The following ZFAT variants were observed in gnomAD, a reference collection of about 807,000 sequenced individuals.
ZFAT encodes zinc finger protein ZFAT.
In ZFAT, 64 loss-of-function variants were observed where a neutral mutation model predicts 117.7. The ratio of observed to expected loss-of-function variants is 0.54; its 90% CI spans 0.44 to 0.67. The LOEUF (loss-of-function observed/expected upper bound fraction) is 0.67, where lower values mean the gene tolerates loss of function less well. Among genes scored for constraint, ZFAT ranks in the 30% least tolerant of loss-of-function variants. The probability of loss-of-function intolerance (pLI) is 0.00; values close to 1 mark genes in which losing one functional copy is unlikely to be tolerated. For synonymous variants in ZFAT, 679 were observed against 615.0 expected (o/e 1.10, Z -1.54); for missense variants, 1,433 against 1,584.5 (o/e 0.90, Z 1.62).
At chr8:134,671,125 A>G (rs1246567633) in intron 1 of ZFAT, among the ~76,000 whole-genome samples, 1 of 152,168 alleles carries the variant, frequency 6.6e-6, no homozygotes, top group Non-Finnish European at 1.5e-5. Flanking sequence ...CATACCAACC[A>G]AAAAAAGTCC....
upstream of ZFAT, among the ~76,000 whole-genome samples, chr8:134,717,308 G>A (rs990952274): frequency 6.6e-6 from 1 of 151,186 alleles, no homozygotes; most frequent in African/African-American, 2.4e-5. Flanking sequence ...AATGCCTGCT[G>A]CCACCAAGAA....
chr8:134,594,664 C>T (rs11783499), intron 7 of ZFAT: 32,427 of 152,128 alleles, frequency 0.21, 4,107 homozygotes, highest in East Asian at 0.53. Context: ...AGGCCCCTCC[C>T]TATATGCCGT....
intron 2 of ZFAT, among the ~76,000 whole-genome samples, chr8:134,649,110 T>C (rs1391981240): frequency 6.8e-6 from 1 of 146,128 alleles, no homozygotes; most frequent in Non-Finnish European, 1.5e-5. Context: ...TAAACAACAC[T>C]CAACAAACCA....
In ZFAT at chr8:134,602,200, T is replaced by C; in HGVS notation, c.1519A>G (p.Ile507Val). The C allele has an allele frequency of 1.2e-6, 2 of 1,613,570 alleles. No homozygotes were observed. The highest frequency in any genetic ancestry group is 1.7e-6 in the Non-Finnish European group (2 of 1,180,014). The change falls in exon 6 of 16, where the codon ATC (isoleucine) becomes GTC (valine). Residue 507 changes from isoleucine to valine, a missense_variant. Physicochemically the swap from Ile to Val is conservative, Grantham distance 29. Transcript: ENST00000377838. ...TGGTCCCCCAGAGCTTCTTGCTGGATGTCCCCACCAGGTTCCAGGAGGCAG... is the reference window on the plus strand; with the variant it reads ...TGGTCCCCCAGAGCTTCTTGCTGGACGTCCCCACCAGGTTCCAGGAGGCAG... ...SFCLLEPGGD[I>V]QQEALGDQLQ...
At chr8:134,635,668 G>GGA (rs901355729) in intron 3 of ZFAT, among the ~76,000 whole-genome samples, 1 of 134,828 alleles carries the variant, frequency 7.4e-6, no homozygotes, top group Non-Finnish European at 1.6e-5. Context: ...AGAGAGACAG[G>GGA]GAGAGAGAGA....
At chr8:134,814,269 A>C in the ZFAT span, among the ~76,000 whole-genome samples, 2 of 152,234 alleles carry the variant, frequency 1.3e-5, no homozygotes, top group South Asian at 4.1e-4. Context: ...AAAATACAGT[A>C]AAAGGAGCCA....
At chr8:134,707,574 G>C (rs1194705578) in intron 1 of ZFAT, among the ~76,000 whole-genome samples, 1 of 152,124 alleles carries the variant, frequency 6.6e-6, no homozygotes, top group Non-Finnish European at 1.5e-5. Context: ...GAAGTCTTGG[G>C]GCTGAATTAA....
intron 12 of ZFAT, among the ~76,000 whole-genome samples, chr8:134,532,401 C>T (rs1053970029): frequency 6.6e-6 from 1 of 152,278 alleles, no homozygotes; most frequent in Non-Finnish European, 1.5e-5. Context: ...TTCCATTTAA[C>T]ATTGAATTAC....
the ZFAT span, among the ~76,000 whole-genome samples, chr8:134,808,470 C>CG: frequency 1.3e-5 from 2 of 152,228 alleles, no homozygotes; most frequent in African/African-American, 4.8e-5. Context: ...AAATCCTGAT[C>CG]AGGCAGGCCC....
chr8:134,712,923 C>A lies in ZFAT; in HGVS notation c.-60G>T. Reference sequence around the variant, plus strand: ...GGGCTCTTCCGGGCCCCCTCCCGTGCCGACCGAGGGGGCGGGGCGCCCTGC... The same window carrying A: ...GGGCTCTTCCGGGCCCCCTCCCGTGACGACCGAGGGGGCGGGGCGCCCTGC... On this transcript the variant is annotated 5_prime_UTR_variant, in exon 1 of 16. Coordinates refer to ENST00000377838, the MANE Select transcript of ZFAT (RefSeq NM_020863.4). The A allele has an allele frequency of 6.9e-7, 1 of 1,457,764 alleles. No homozygotes were observed. Among genetic ancestry groups the A allele is most frequent in the Non-Finnish European group, 9.0e-7 (1 of 1,106,352 alleles). The allele number at this position is 1,457,764 out of a possible 1,614,324, so 90.3% of individuals were successfully genotyped here. A position where few individuals can be genotyped will look rare whatever the true frequency, so the allele number is the denominator to read the frequency against.
chr8:134,561,771 C>T (rs915338335), intron 11 of ZFAT, among the ~76,000 whole-genome samples: 2 of 151,932 alleles, frequency 1.3e-5, no homozygotes, highest in South Asian at 2.1e-4. Flanking sequence ...GTAAAAAAAG[C>T]GAGACTTGAT....
At chr8:134,491,025 A>G (rs1392964265) in intron 15 of ZFAT, among the ~76,000 whole-genome samples, 1 of 152,246 alleles carries the variant, frequency 6.6e-6, no homozygotes, top group Non-Finnish European at 1.5e-5. Context: ...ACAATGCATC[A>G]GAATGTCCCT....
the ZFAT span, among the ~76,000 whole-genome samples, chr8:134,798,965 T>C: frequency 6.6e-6 from 1 of 152,138 alleles, no homozygotes; most frequent in East Asian, 1.9e-4. Context: ...TGTAATGCAT[T>C]GCAATATGTT....
intron 11 of ZFAT, among the ~76,000 whole-genome samples, chr8:134,541,416 C>T (rs529574403): frequency 6.6e-6 from 1 of 152,124 alleles, no homozygotes; most frequent in Non-Finnish European, 1.5e-5. Flanking sequence ...TGCAGAGTCC[C>T]CACCAGCAAG....
intron 11 of ZFAT, among the ~76,000 whole-genome samples, chr8:134,541,812 CA>C (rs978174298): frequency 6.6e-6 from 1 of 152,132 alleles, no homozygotes; most frequent in African/African-American, 2.4e-5. Flanking sequence ...CATTTCTTTC[CA>C]AAAAGATCTC....
chr8:134,825,187 C>A, the ZFAT span, among the ~76,000 whole-genome samples: 2 of 152,200 alleles, frequency 1.3e-5, 1 homozygote, highest in Non-Finnish European at 2.9e-5. Context: ...GCCTCTCTTA[C>A]AATTCACTAC....
chr8:134,683,746 C>A (rs1357370331), intron 1 of ZFAT, among the ~76,000 whole-genome samples: 24 of 151,962 alleles, frequency 1.6e-4, no homozygotes, highest in Admixed American at 1.6e-3. Flanking sequence ...GCTCCTGCCC[C>A]GCAAGCAGGA....
At chr8:134,770,298 C>A in the ZFAT span, among the ~76,000 whole-genome samples, 2 of 152,168 alleles carry the variant, frequency 1.3e-5, no homozygotes, top group East Asian at 3.8e-4. Flanking sequence ...ATGGAGGGAC[C>A]GGCTGAAGCC....
chr8:134,484,265 G>T (rs1027923902), intron 15 of ZFAT, among the ~76,000 whole-genome samples: 2 of 152,226 alleles, frequency 1.3e-5, no homozygotes, highest in Non-Finnish European at 2.9e-5. Context: ...CACGCTCTTG[G>T]TAGGCACATA....
Sources: allele counts gnomAD v4.1 joint callset (sites outside exome capture counted in the v4.1 genomes callset), GRCh38; gene constraint gnomAD v4.1.1; transcripts MANE v1.5; gene names NCBI Gene and HGNC (gene_info 2026-07-23, HGNC 2026-07-21).